PLEKHM3: variants seen among roughly 807,000 people sequenced by gnomAD.
PLEKHM3 encodes the protein pleckstrin homology domain containing M3.
PLEKHM3 carries 45 observed loss-of-function variants against 81.8 expected under a neutral mutation model. That is an observed-to-expected ratio of 0.55 (90% confidence interval 0.43 to 0.71). PLEKHM3 has a LOEUF of 0.71. PLEKHM3 is among the 30% of genes least tolerant of loss of function. The pLI, the probability that PLEKHM3 is intolerant of heterozygous loss-of-function variation, is 0.00. For synonymous variants in PLEKHM3, 352 were observed against 356.4 expected (o/e 0.99, Z 0.14); for missense variants, 788 against 924.3 (o/e 0.85, Z 1.91).
intron 6 of PLEKHM3, among the ~76,000 whole-genome samples, chr2:207,873,627 C>A (rs2092545941): frequency 6.6e-6 from 1 of 152,208 alleles, no homozygotes; most frequent in African/African-American, 2.4e-5. Context: ...TTTTGTTCCC[C>A]TGCCTGCTGA....
intron 3 of PLEKHM3, among the ~76,000 whole-genome samples, chr2:207,948,918 C>A (rs1574434414): frequency 6.6e-6 from 1 of 152,104 alleles, no homozygotes; most frequent in South Asian, 2.1e-4. Flanking sequence ...ACCTCGTGAT[C>A]CGCCTGCCTT....
At chr2:207,954,050 G>T (rs1005937715) in intron 3 of PLEKHM3, among the ~76,000 whole-genome samples, 16 of 152,224 alleles carry the variant, frequency 1.1e-4, no homozygotes, top group African/African-American at 3.9e-4. Flanking sequence ...GCCAGGCACT[G>T]GTGGCTCACA....
chr2:207,831,285 T>C (rs1384918439), intron 7 of PLEKHM3, among the ~76,000 whole-genome samples: 1 of 152,180 alleles, frequency 6.6e-6, no homozygotes, highest in Non-Finnish European at 1.5e-5. Context: ...AGGGATTGCC[T>C]ACCGGGGACG....
chr2:207,927,974 C>T (rs969925513), intron 5 of PLEKHM3, among the ~76,000 whole-genome samples: 5 of 152,074 alleles, frequency 3.3e-5, no homozygotes, highest in African/African-American at 1.2e-4. Context: ...TTAATAATTA[C>T]ATTTTAATTA....
intron 6 of PLEKHM3, among the ~76,000 whole-genome samples, chr2:207,901,538 C>T (rs762535027): frequency 2.0e-5 from 3 of 152,204 alleles, no homozygotes. Flanking sequence ...CCTCCCTGTA[C>T]GATGTGAAAC....
intron 6 of PLEKHM3, chr2:207,900,041 G>C (rs1449825065): frequency 6.6e-6 from 1 of 152,208 alleles, no homozygotes; most frequent in African/African-American, 2.4e-5. Flanking sequence ...CAAAAACCTA[G>C]TGGTGCAAAA....
intron 6 of PLEKHM3, among the ~76,000 whole-genome samples, chr2:207,896,545 ATG>A (rs1688229984): frequency 6.6e-6 from 1 of 152,230 alleles, no homozygotes; most frequent in Non-Finnish European, 1.5e-5. Context: ...CTAAGACTTA[ATG>A]GAACAAATGC....
intron 7 of PLEKHM3, among the ~76,000 whole-genome samples, chr2:207,857,718 A>G (rs1019367741): frequency 6.6e-6 from 1 of 151,850 alleles, no homozygotes; most frequent in Non-Finnish European, 1.5e-5. Context: ...GATTTTGGCA[A>G]TTTGTATCTT....
chr2:208,017,771 T>A lies in PLEKHM3; in HGVS notation c.-319+7618A>T, dbSNP rs577877267. Among the ~76,000 whole-genome samples the A allele has an allele frequency of 2.6e-5, 4 of 152,308 alleles. No homozygotes were observed. The South Asian group carries it at 8.3e-4, about 32-fold the overall frequency. ...TCACAGGAAAAGGTCACCAGTGATT[T>A]TCTTTTTGCTAAACCCTAAAGACTT... On this transcript the variant is annotated intron_variant, in intron 1 of 7. Transcript: ENST00000427836.
intron 2 of PLEKHM3, among the ~76,000 whole-genome samples, chr2:207,990,178 ATTAAATACCCT>A (rs1391120046): frequency 6.6e-6 from 1 of 152,134 alleles, no homozygotes; most frequent in Non-Finnish European, 1.5e-5. Context: ...CATATTTCTT[ATTAAATACCCT>A]TTTAATCTTG....
At chr2:207,897,913 C>T (rs1164009259) in intron 6 of PLEKHM3, among the ~76,000 whole-genome samples, 2 of 152,200 alleles carry the variant, frequency 1.3e-5, no homozygotes, top group African/African-American at 4.8e-5. Context: ...TGACCTTTGT[C>T]TTCAGCCTTC....
chr2:207,840,812 T>A (rs867158457), intron 7 of PLEKHM3, among the ~76,000 whole-genome samples: 6,584 of 145,046 alleles, frequency 0.045, 359 homozygotes, highest in African/African-American at 0.12. Flanking sequence ...TTTTTTTTTT[T>A]TTTTTTTTTT....
intron 6 of PLEKHM3, among the ~76,000 whole-genome samples, chr2:207,898,291 T>C (rs1688308327): frequency 6.6e-6 from 1 of 152,178 alleles, no homozygotes; most frequent in Non-Finnish European, 1.5e-5. Context: ...CAGACAACTC[T>C]GGGGCTACTG....
intron 7 of PLEKHM3, among the ~76,000 whole-genome samples, chr2:207,831,896 T>C (rs912906514): frequency 3.3e-5 from 5 of 152,230 alleles, no homozygotes; most frequent in Middle Eastern, 3.2e-3. Flanking sequence ...ATCATATAAA[T>C]TTCCTCCTTC....
chr2:207,936,366 C>A (rs1200243190), intron 4 of PLEKHM3, among the ~76,000 whole-genome samples: 1 of 152,130 alleles, frequency 6.6e-6, no homozygotes, highest in African/African-American at 2.4e-5. Context: ...GAACAGTGAG[C>A]ACAATAAATA....
chr2:207,959,587 A>G (rs1216218120), intron 3 of PLEKHM3, among the ~76,000 whole-genome samples: 3 of 152,032 alleles, frequency 2.0e-5, no homozygotes, highest in Admixed American at 2.0e-4. Context: ...CCCCATTCCT[A>G]ATGCCTGCTT....
intron 5 of PLEKHM3, among the ~76,000 whole-genome samples, chr2:207,920,215 A>T (rs1357631223): frequency 6.6e-6 from 1 of 152,204 alleles, no homozygotes; most frequent in Non-Finnish European, 1.5e-5. Flanking sequence ...GGAATGGTCT[A>T]AGTCAAGGAC....
rs913837153 is a variant in PLEKHM3, at chr2:207,977,293, T to C, written c.904A>G (p.Lys302Glu). 2.5e-6 allele frequency: 4 copies of C among 1,614,050 alleles called. No homozygotes were observed. In the African/African-American group the frequency reaches 4.0e-5, roughly 16 times the overall value. Residue 302 changes from lysine to glutamate, a missense_variant, in exon 3 of 8, where the codon AAG becomes GAG. By Grantham distance (56) the Lys-to-Glu change is moderately conservative. Transcript: ENST00000427836. ...GCAGCATGCACTACTTCCCAAAGCT[T>C]CTGTCCCCAGTCCAAAGCCTCCCAT... ...SPWEALDWGQ[K>E]LWEVVHAAVP... is the part of the protein sequence containing the mutation.
At chr2:207,952,035 G>C (rs534576346) in intron 3 of PLEKHM3, among the ~76,000 whole-genome samples, 2 of 152,232 alleles carry the variant, frequency 1.3e-5, no homozygotes, top group African/African-American at 4.8e-5. Context: ...CTTAAAGTAA[G>C]CTTTTACCTA....
Sources: gnomAD v4.1 joint callset for allele counts (sites outside exome capture counted in the v4.1 genomes callset) on GRCh38, gnomAD v4.1.1 for gene constraint, MANE v1.5 for transcripts, NCBI Gene and HGNC (gene_info 2026-07-23, HGNC 2026-07-21) for gene names.